CSMD3: variants seen among roughly 807,000 people sequenced by gnomAD.
CSMD3 encodes the protein CUB and Sushi multiple domains 3, also known as CUB and sushi domain-containing protein 3.
Under a neutral mutation model 435.2 loss-of-function variants are expected in CSMD3, and 177 were observed. The ratio of observed to expected loss-of-function variants is 0.41; its 90% CI spans 0.36 to 0.46. The LOEUF is 0.46. CSMD3 is among the 20% of genes least tolerant of loss of function. The probability of loss-of-function intolerance (pLI) is 0.34; values close to 1 mark genes in which losing one functional copy is unlikely to be tolerated. For synonymous variants in CSMD3, 1,656 were observed against 1,520.5 expected (o/e 1.09, Z -2.07); for missense variants, 4,265 against 4,504.6 (o/e 0.95, Z 1.52).
chr8:112,443,352 A>G (rs906904861), intron 32 of CSMD3, among the ~76,000 whole-genome samples: 1 of 152,240 alleles, frequency 6.6e-6, no homozygotes, highest in Admixed American at 6.5e-5. Flanking sequence ...CAAAGTCCAA[A>G]TAGGAAGAAA....
At chr8:113,054,563 ATTTG>A (rs1306810945) in intron 5 of CSMD3, among the ~76,000 whole-genome samples, 1 of 152,036 alleles carries the variant, frequency 6.6e-6, no homozygotes, top group African/African-American at 2.4e-5. Context: ...CAAATTTCCT[ATTTG>A]TTTGTCTATC....
chr8:112,589,548 T>A (rs1831003217), intron 22 of CSMD3, among the ~76,000 whole-genome samples: 1 of 152,188 alleles, frequency 6.6e-6, no homozygotes, highest in Non-Finnish European at 1.5e-5. Flanking sequence ...TGCTTATGAA[T>A]GCCCAGCAAA....
At chr8:112,612,538 G>A (rs372331806) in intron 22 of CSMD3, among the ~76,000 whole-genome samples, 18 of 152,046 alleles carry the variant, frequency 1.2e-4, no homozygotes, top group African/African-American at 4.1e-4. Context: ...AGACCCTCTC[G>A]AATTCTTCAT....
chr8:112,627,918 G>A (rs1376474301), intron 22 of CSMD3, among the ~76,000 whole-genome samples: 1 of 152,134 alleles, frequency 6.6e-6, no homozygotes, highest in African/African-American at 2.4e-5. Context: ...CACCTTCAAA[G>A]GACTTACAGG....
intron 6 of CSMD3, among the ~76,000 whole-genome samples, chr8:112,990,890 T>C (rs527749611): frequency 1.4e-4 from 22 of 151,944 alleles, no homozygotes; most frequent in African/African-American, 5.3e-4. Flanking sequence ...GAAAACCAAA[T>C]GTGTTTCTTA....
rs1279905007 is a variant in CSMD3, at chr8:112,492,603, T to A, written c.5164A>T (p.Thr1722Ser). 1.2e-6 allele frequency: 2 copies of A among 1,613,588 alleles called. No homozygotes were observed. The highest frequency in any genetic ancestry group is 1.7e-6 in the Non-Finnish European group (2 of 1,179,488). ...CCAGCATCACAGTAATAGGTGACTG[T>A]TGACCCTAATTTATAATCCATTCCA... ...RLGMDYKLGS[T>S]VTYYCDAGYV... The change falls in exon 31 of 71, where the codon ACA becomes TCA. Residue 1722 changes from threonine (T) to serine (S), a missense_variant. Coordinates refer to ENST00000297405, the MANE Select transcript of CSMD3 (RefSeq NM_198123.2).
intron 2 of CSMD3, among the ~76,000 whole-genome samples, chr8:113,301,264 G>A (rs2093764329): frequency 1.3e-5 from 2 of 152,022 alleles, no homozygotes; most frequent in Non-Finnish European, 2.9e-5. Context: ...ACTTCACAAT[G>A]TGTATGTTAC....
intron 3 of CSMD3, among the ~76,000 whole-genome samples, chr8:113,176,304 G>A (rs1272388086): frequency 6.6e-6 from 1 of 152,036 alleles, no homozygotes; most frequent in African/African-American, 2.4e-5. Context: ...CAGTTAAGAT[G>A]TTTTACATTC....
At chr8:112,698,289 G>A (rs2076304310) in intron 13 of CSMD3, among the ~76,000 whole-genome samples, 1 of 152,072 alleles carries the variant, frequency 6.6e-6, no homozygotes, top group African/African-American at 2.4e-5. Flanking sequence ...AAAATCGTGT[G>A]AACTCAAGTT....
intron 22 of CSMD3, among the ~76,000 whole-genome samples, chr8:112,633,197 A>G (rs895362984): frequency 6.6e-6 from 1 of 152,050 alleles, no homozygotes; most frequent in South Asian, 2.1e-4. Flanking sequence ...CATCAGATAA[A>G]TGGATTATGG....
intron 61 of CSMD3, among the ~76,000 whole-genome samples, chr8:112,256,899 T>C (rs920200463): frequency 2.0e-5 from 3 of 152,062 alleles, no homozygotes; most frequent in African/African-American, 4.8e-5. Context: ...GGATCCTAAA[T>C]GTACAAGAGA....
chr8:112,995,261 A>G (rs1171941828), intron 6 of CSMD3, among the ~76,000 whole-genome samples: 1 of 151,534 alleles, frequency 6.6e-6, no homozygotes, highest in Non-Finnish European at 1.5e-5. Context: ...GGGGCAATTC[A>G]GATTGGAAAA....
chr8:113,215,951 C>T (rs2092900089), intron 3 of CSMD3, among the ~76,000 whole-genome samples: 1 of 151,588 alleles, frequency 6.6e-6, no homozygotes. Flanking sequence ...TATTAAACTT[C>T]CAAATATCTT....
In CSMD3 at chr8:112,941,936, A is replaced by G. The variant is rs1012384235; in HGVS notation, c.1508+5854T>C. Among the ~76,000 whole-genome samples, 3 of 151,612 alleles carry G rather than the reference A, an allele frequency of 2.0e-5. No individual in the cohort carries two copies. The South Asian group carries it at 6.2e-4, about 31-fold the overall frequency. ...ATGGTAAATTTTTTTGCAATGAATGAATCAACATTAAAATATTTTATTAAT... is the reference window on the plus strand; with the variant it reads ...ATGGTAAATTTTTTTGCAATGAATGGATCAACATTAAAATATTTTATTAAT... On this transcript the variant is annotated intron_variant, in intron 9 of 70. Transcript: ENST00000297405.
chr8:113,047,241 T>G (rs2087876018), intron 5 of CSMD3, among the ~76,000 whole-genome samples: 1 of 152,214 alleles, frequency 6.6e-6, no homozygotes. Context: ...ATTTCTTCAC[T>G]TATATTTCTT....
intron 1 of CSMD3, among the ~76,000 whole-genome samples, chr8:113,352,597 A>C (rs2094197243): frequency 6.6e-6 from 1 of 152,126 alleles, no homozygotes; most frequent in East Asian, 1.9e-4. Context: ...AAAGCAGGTG[A>C]CCTCCTTAGC....
chr8:112,550,785 C>T lies in CSMD3; in HGVS notation c.4450G>A (p.Glu1484Lys), dbSNP rs2131189764. 6.2e-7 allele frequency: 1 copy of T among 1,607,110 alleles called. No individual in the cohort carries two copies. The highest frequency in any genetic ancestry group is 1.1e-5 in the South Asian group (1 of 90,936). Residue 1484 changes from glutamate (E) to lysine (K), a missense_variant, in exon 27 of 71, where the codon GAA (glutamate) becomes AAA (lysine). Glu to Lys is a moderately conservative substitution (Grantham distance 56, BLOSUM62 1). Around this residue, in one of 3 missense-constraint regions of CSMD3, gnomAD observed 3,255 missense variants for 3,380.2 expected, o/e 0.96. Transcript: ENST00000297405. The stretch of plus-strand genomic sequence containing the variant: ...TCAGGAATAAGAGATCCACTAATTT[C>T]CTTTAAAAGCATATCATTTTCTGGT... Reference protein sequence around the residue: ...GPPENDMLLKEISGSLIPEGI... With the variant: ...GPPENDMLLKKISGSLIPEGI...
rs116005018 is a variant in CSMD3, at chr8:112,613,574, C to T, written c.3715+23243G>A. 6.9e-3 allele frequency among the ~76,000 whole-genome samples: 1,047 copies of T among 152,038 alleles called. 10 individuals carry two copies. The highest frequency in any genetic ancestry group is 0.024 in the African/African-American group (1,009 of 41,460). ...TTTGAAATGCCACATGGCCTTATACCTTCATTTTAACTGGAAATACCCTCC... is the reference window on the plus strand; with the variant it reads ...TTTGAAATGCCACATGGCCTTATACTTTCATTTTAACTGGAAATACCCTCC... On this transcript the variant is annotated intron_variant, in intron 22 of 70. Coordinates refer to ENST00000297405, the MANE Select transcript of CSMD3 (RefSeq NM_198123.2).
At chr8:112,545,292 G>A (rs1345546265) in intron 27 of CSMD3, among the ~76,000 whole-genome samples, 1 of 151,690 alleles carries the variant, frequency 6.6e-6, no homozygotes, top group African/African-American at 2.4e-5. Context: ...GACCATCTTG[G>A]CTAACATGGT....
Sources: allele counts gnomAD v4.1 joint callset (sites outside exome capture counted in the v4.1 genomes callset), GRCh38; gene constraint gnomAD v4.1.1; regional missense constraint gnomAD v4.1.1; transcripts MANE v1.5; gene names NCBI Gene and HGNC (gene_info 2026-07-23, HGNC 2026-07-21).